CTTNBP2NL: variants seen among roughly 807,000 people sequenced by gnomAD.
CTTNBP2NL encodes the protein CTTNBP2 N-terminal like.
Under a neutral mutation model 32.5 loss-of-function variants are expected in CTTNBP2NL, and 16 were observed. The ratio of observed to expected loss-of-function variants is 0.49; its 90% CI spans 0.33 to 0.75. The LOEUF is 0.75. Among genes scored for constraint, CTTNBP2NL ranks in the 30% least tolerant of loss-of-function variants. The probability of loss-of-function intolerance (pLI) is 0.02; values close to 1 mark genes in which losing one functional copy is unlikely to be tolerated. For synonymous variants in CTTNBP2NL, 298 were observed against 289.4 expected, an observed-to-expected ratio of 1.03 and a Z score of -0.30; for missense variants, 645 against 756.0, an observed-to-expected ratio of 0.85 and a Z score of 1.72.
chr1:112,428,503 A>AC (rs1383611913), intron 3 of CTTNBP2NL, among the ~76,000 whole-genome samples: 8 of 152,166 alleles, frequency 5.3e-5, no homozygotes, highest in Admixed American at 2.0e-4. Context: ...TAAAAAACCA[A>AC]CCTAAATTTC....
At chr1:112,442,370 G>A (rs1448680796) in intron 3 of CTTNBP2NL, among the ~76,000 whole-genome samples, 3 of 152,054 alleles carry the variant, frequency 2.0e-5, no homozygotes, top group African/African-American at 4.8e-5. Context: ...TGATCTTCCC[G>A]CCTCGGCCAA....
intron 1 of CTTNBP2NL, among the ~76,000 whole-genome samples, chr1:112,408,208 CTTTT>C (rs35497062): frequency 7.8e-6 from 1 of 128,770 alleles, no homozygotes; most frequent in Admixed American, 7.7e-5. Flanking sequence ...TACTTTCTTT[CTTTT>C]TTTTTTAATT....
intron 3 of CTTNBP2NL, among the ~76,000 whole-genome samples, chr1:112,432,819 C>G (rs1430981418): frequency 6.7e-6 from 1 of 150,198 alleles, no homozygotes; most frequent in Non-Finnish European, 1.5e-5. Context: ...TTCTCTTTCT[C>G]TCTTTACACT....
At chr1:112,403,013 C>T (rs1379704049) in intron 1 of CTTNBP2NL, among the ~76,000 whole-genome samples, 1 of 152,180 alleles carries the variant, frequency 6.6e-6, no homozygotes, top group African/African-American at 2.4e-5. Flanking sequence ...CTCAAAACCT[C>T]AGCTGATCTG....
chr1:112,447,728 C>T (rs931141394), intron 3 of CTTNBP2NL, among the ~76,000 whole-genome samples: 2 of 151,676 alleles, frequency 1.3e-5, no homozygotes, highest in Admixed American at 6.6e-5. Flanking sequence ...GCAAATTTCC[C>T]TTTTTTTTAA....
chr1:112,408,219 A>AAT (rs1648740905), intron 1 of CTTNBP2NL, among the ~76,000 whole-genome samples: 1 of 117,698 alleles, frequency 8.5e-6, no homozygotes, highest in Admixed American at 7.8e-5. Flanking sequence ...TTTTTTTTTT[A>AAT]ATTTTTTTTT....
Position 112,456,805 on chromosome 1 carries a change from T to G in CTTNBP2NL, c.1313T>G (p.Leu438Trp). 1 of 1,614,082 alleles carries G rather than the reference T, an allele frequency of 6.2e-7. No individual in the cohort carries two copies. The highest frequency in any genetic ancestry group is 8.5e-7 in the Non-Finnish European group (1 of 1,180,038). ...CSSPVLTKRL[L>W]GSSASSPGYQ... ...TCGCCGGTACTCACTAAGCGTTTAT[T>G]GGGGTCATCAGCTAGCAGCCCTGGC... is the stretch of plus-strand genomic sequence containing the variant. Residue 438 changes from leucine to tryptophan, a missense_variant, in exon 6 of 6, where the codon TTG (leucine) becomes TGG (tryptophan). By Grantham distance (61) the Leu-to-Trp change is moderately conservative. Transcript: ENST00000271277.
chr1:112,431,687 G>A (rs1002988265), intron 3 of CTTNBP2NL, among the ~76,000 whole-genome samples: 2 of 152,138 alleles, frequency 1.3e-5, no homozygotes, highest in African/African-American at 2.4e-5. Flanking sequence ...TGCATCCTTA[G>A]TATGGAATAT....
At chr1:112,407,623 A>G (rs1040588146) in intron 1 of CTTNBP2NL, among the ~76,000 whole-genome samples, 26 of 152,112 alleles carry the variant, frequency 1.7e-4, no homozygotes, top group African/African-American at 6.3e-4. Flanking sequence ...TCAACATATG[A>G]ATTTTGGGAG....
intron 3 of CTTNBP2NL, among the ~76,000 whole-genome samples, chr1:112,436,074 T>TGC: frequency 6.8e-6 from 1 of 146,716 alleles, no homozygotes; most frequent in South Asian, 2.2e-4. Flanking sequence ...AGATTTGCTT[T>TGC]TTTTTTTGTC....
intron 4 of CTTNBP2NL, among the ~76,000 whole-genome samples, chr1:112,452,762 C>T (rs888804031): frequency 6.6e-5 from 10 of 151,586 alleles, no homozygotes; most frequent in Admixed American, 4.6e-4. Flanking sequence ...CCACCTCAGC[C>T]TCCTGAGTAG....
intron 3 of CTTNBP2NL, among the ~76,000 whole-genome samples, chr1:112,425,685 G>A (rs953854579): frequency 6.6e-6 from 1 of 150,902 alleles, no homozygotes; most frequent in African/African-American, 2.4e-5. Flanking sequence ...GCAACATGGT[G>A]AAACCCCTTG....
In CTTNBP2NL at chr1:112,459,205, A is replaced by G. The variant is rs1650470509; in HGVS notation, c.*1793A>G. 1 of 152,210 alleles carries G rather than the reference A, an allele frequency of 6.6e-6. No homozygotes were observed. The highest frequency in any genetic ancestry group is 1.5e-5 in the Non-Finnish European group (1 of 68,030). 9.4% of individuals were successfully genotyped at this position (152,210 alleles called of 1,614,324 possible). ...TCTAGAAACTTCTGTCATTTTCATC[A>G]TAGCAAGTCTATGCGGACAAAAGCC... On this transcript the variant is annotated 3_prime_UTR_variant, in exon 6 of 6. Transcript: ENST00000271277.
intron 3 of CTTNBP2NL, among the ~76,000 whole-genome samples, chr1:112,441,407 TATTCC>T (rs1649888575): frequency 6.6e-6 from 1 of 152,230 alleles, no homozygotes; most frequent in Admixed American, 6.5e-5. Context: ...TGCTGTCTAG[TATTCC>T]ATTTTATAAA....
chr1:112,418,488 TTA>T (rs1316357402), intron 3 of CTTNBP2NL, among the ~76,000 whole-genome samples: 1 of 152,138 alleles, frequency 6.6e-6, no homozygotes, highest in African/African-American at 2.4e-5. Context: ...AATCTAATTG[TTA>T]TGGAGGGGAC....
At chr1:112,427,895 C>A (rs199916862) in intron 3 of CTTNBP2NL, among the ~76,000 whole-genome samples, 3,028 of 132,342 alleles carry the variant, frequency 0.023, no homozygotes, top group Non-Finnish European at 0.025. Context: ...GACTCTGTCT[C>A]AAAAAAAAAA....
At chr1:112,395,393 C>T (rs1215143944), upstream of CTTNBP2NL, among the ~76,000 whole-genome samples, 1 of 152,184 alleles carries the variant, frequency 6.6e-6, no homozygotes, top group Non-Finnish European at 1.5e-5. Flanking sequence ...AGACTTGCTG[C>T]CACCAAGATC....
At chr1:112,418,264 T>A (rs1649122227) in intron 3 of CTTNBP2NL, among the ~76,000 whole-genome samples, 1 of 152,118 alleles carries the variant, frequency 6.6e-6, no homozygotes. Flanking sequence ...ACCTATAGAG[T>A]TAGAATTGTA....
chr1:112,394,220 A>G (rs546262959), upstream of CTTNBP2NL, among the ~76,000 whole-genome samples: 2,386 of 151,922 alleles, frequency 0.016, 63 homozygotes, highest in African/African-American at 0.053. Flanking sequence ...AAAAAAAAAA[A>G]AAAGAAAAGA....
Sources: allele counts gnomAD v4.1 joint callset (sites outside exome capture counted in the v4.1 genomes callset), GRCh38; gene constraint gnomAD v4.1.1; transcripts MANE v1.5; gene names NCBI Gene and HGNC (gene_info 2026-07-23, HGNC 2026-07-21).